The following CCDC159 variants were observed in gnomAD, a reference collection of about 807,000 sequenced individuals.
The protein encoded by CCDC159 is coiled-coil domain-containing protein 159.
A neutral mutation model predicts 50.9 loss-of-function variants in CCDC159; 40 were observed. The ratio of observed to expected loss-of-function variants is 0.79; its 90% CI spans 0.61 to 1.02. The LOEUF (loss-of-function observed/expected upper bound fraction) is 1.02. Ranked by LOEUF, CCDC159 falls within the 50% of genes least tolerant of loss-of-function variation. The pLI, the probability that CCDC159 is intolerant of heterozygous loss-of-function variation, is 0.00. For missense variants in CCDC159, 356 were observed against 371.5 expected (o/e 0.96, Z 0.34); for synonymous variants, 146 against 138.9 (o/e 1.05, Z -0.36).
At chr19:11,348,076 A>C in intron 1 of CCDC159, 1 of 452,382 alleles carries the variant, frequency 2.2e-6, no homozygotes, top group Non-Finnish European at 4.4e-6. Flanking sequence ...ACCTCGATTC[A>C]GCCATCATGA....
At chr19:11,349,512 T>C (rs1599381180) in intron 1 of CCDC159, 142 bp from the exon 2 acceptor site, 2 of 1,014,332 alleles carry the variant, frequency 2.0e-6, no homozygotes, top group East Asian at 5.2e-5. Context: ...ATGCCTGGAG[T>C]GCAGCTTTGC....
At chr19:11,351,444 CT>C in intron 5 of CCDC159, 1 of 170,586 alleles carries the variant, frequency 5.9e-6, no homozygotes, top group Non-Finnish European at 1.2e-5. Flanking sequence ...CAGAGCGAGA[CT>C]CTGTCTAAAA....
chr19:11,352,016 C>T (rs1967614328), intron 6 of CCDC159, 41 bp from the exon 7 acceptor site: 1 of 1,612,994 alleles, frequency 6.2e-7, no homozygotes, highest in Non-Finnish European at 8.5e-7. Context: ...GGAGGGGGTC[C>T]TTCTTCAGCC....
chr19:11,351,062 G>A, intron 5 of CCDC159, 59 bp downstream of exon 5: 1 of 1,437,522 alleles, frequency 7.0e-7, no homozygotes, highest in Non-Finnish European at 9.3e-7. Flanking sequence ...ACCCAGAACT[G>A]GGGAATGGAG....
intron 7 of CCDC159, chr19:11,353,235 G>A (rs748122029): frequency 3.8e-5 from 13 of 338,404 alleles, no homozygotes; most frequent in Non-Finnish European, 6.5e-5. Flanking sequence ...CGAGTAGCTG[G>A]GACAACAGGC....
At chr19:11,348,004 C>T in intron 1 of CCDC159, 2 of 409,114 alleles carry the variant, frequency 4.9e-6, no homozygotes, top group Middle Eastern at 7.9e-4. Context: ...GTCGAAACTC[C>T]TGGCTTGGCC....
At chr19:11,352,013 G>T (rs1192976085) in intron 6 of CCDC159, 40 bp downstream of exon 6, 4 of 1,612,882 alleles carry the variant, frequency 2.5e-6, no homozygotes, top group Middle Eastern at 1.7e-4. Flanking sequence ...TGGGGAGGGG[G>T]TCCTTCTTCA....
chr19:11,350,987 C>A lies in CCDC159; in HGVS notation c.406C>A (p.Gln136Lys). The change falls in exon 5 of 11, where the codon CAG becomes AAG. Residue 136 changes from glutamine to lysine, a missense_variant. Gln to Lys is a moderately conservative substitution (Grantham distance 53). Transcript: ENST00000458408. The stretch of plus-strand genomic sequence containing the variant: ...CACTCGCTGCCTGCAGCTGCTGGCC[C>A]AGGAGATCCGGGACAGGTCGGGGAT... Reference protein sequence around the residue: ...RTTRCLQLLAQEIRDSKKFLW... With the variant: ...RTTRCLQLLAKEIRDSKKFLW... The A allele has an allele frequency of 6.4e-7, 1 of 1,551,500 alleles. No homozygotes were observed. The highest frequency in any genetic ancestry group is 2.4e-5 in the East Asian group (1 of 41,048).
intron 1 of CCDC159, chr19:11,349,424 G>A (rs1325895716): frequency 3.4e-6 from 2 of 591,832 alleles, no homozygotes; most frequent in Non-Finnish European, 5.9e-6. Flanking sequence ...GTCTTCCATG[G>A]GGATTTGGCT....
At chr19:11,353,207 T>C (rs1967677212) in intron 7 of CCDC159, among the ~76,000 whole-genome samples, 1 of 151,974 alleles carries the variant, frequency 6.6e-6, no homozygotes, top group Admixed American at 6.6e-5. Context: ...TTCAAGCAAT[T>C]CTCCTGCCTC....
chr19:11,352,431 C>A, intron 7 of CCDC159: 1 of 380,930 alleles, frequency 2.6e-6, no homozygotes, highest in Admixed American at 4.1e-5. Flanking sequence ...CATGATGAAA[C>A]CCCGTCTATA....
At position 11,354,893 on chromosome 19, in the gene CCDC159, C is replaced by T; in HGVS notation, c.*16C>T. On this transcript the variant is annotated 3_prime_UTR_variant, in exon 11 of 11. Coordinates refer to ENST00000458408, the MANE Select transcript of CCDC159 (RefSeq NM_001080503.3). ...CACAGCTTGAGCAGCCGGGACTGCTCTCCCTGAAGACCCCTCCAGAGAGAA... is the reference window on the plus strand; with the variant it reads ...CACAGCTTGAGCAGCCGGGACTGCTTTCCCTGAAGACCCCTCCAGAGAGAA... 1 of 1,613,532 alleles carries T rather than the reference C, an allele frequency of 6.2e-7. No homozygotes were observed. The highest frequency in any genetic ancestry group is 8.5e-7 in the Non-Finnish European group (1 of 1,179,734).
chr19:11,353,921 C>T, intron 9 of CCDC159, 47 bp downstream of exon 9: 1 of 1,453,928 alleles, frequency 6.9e-7, no homozygotes, highest in Non-Finnish European at 9.3e-7. Flanking sequence ...CATTGTCTAG[C>T]TTCACAGGGA....
In CCDC159 at chr19:11,346,635, G is replaced by A; in HGVS notation, c.21+8G>A. The stretch of plus-strand genomic sequence containing the variant: ...GGAGAGCATGAACAGGTGGTATGTG[G>A]TAGGTGGGGTTCTGGAGCCTGGCGG... On this transcript the variant is annotated splice_region_variant and intron_variant, in intron 1 of 10. Coordinates refer to ENST00000458408, the MANE Select transcript of CCDC159 (RefSeq NM_001080503.3). 1 of 1,551,522 alleles carries A rather than the reference G, an allele frequency of 6.4e-7. No individual in the cohort carries two copies. The highest frequency in any genetic ancestry group is 8.7e-7 in the Non-Finnish European group (1 of 1,146,920).
intron 8 of CCDC159, 98 bp from the exon 9 acceptor site, chr19:11,353,694 A>G: frequency 6.5e-7 from 1 of 1,548,072 alleles, no homozygotes; most frequent in South Asian, 1.2e-5. Flanking sequence ...ACCCCCTAGG[A>G]CTCACCCCAC....
Position 11,353,562 on chromosome 19 carries a change from A to G in CCDC159, c.679A>G (p.Ser227Gly). Residue 227 changes from serine to glycine, a missense_variant, in exon 8 of 11, where the codon AGT (serine) becomes GGT (glycine). Ser to Gly is a moderately conservative substitution (Grantham distance 56). Transcript: ENST00000458408. ...CWKDDLQKELSDIWSAVHVLQ... is the reference protein window; with the variant it reads ...CWKDDLQKELGDIWSAVHVLQ... The stretch of plus-strand genomic sequence containing the variant: ...GAAGGATGACCTCCAGAAGGAACTG[A>G]GTGATATATGGTGATGCCCAGCCTG... 1 of 1,613,630 alleles carries G rather than the reference A, an allele frequency of 6.2e-7. No homozygotes were observed. Among genetic ancestry groups the G allele is most frequent in the East Asian group, 2.2e-5 (1 of 44,856 alleles).
At chr19:11,348,729 C>T (rs149978954) in intron 1 of CCDC159, 1 of 483,602 alleles carries the variant, frequency 2.1e-6, no homozygotes. Context: ...CTCAAAGCAG[C>T]CCCTGCTTCC....
At chr19:11,350,080 T>A in intron 3 of CCDC159, 38 bp from the exon 4 acceptor site, 1 of 1,609,178 alleles carries the variant, frequency 6.2e-7, no homozygotes, top group Non-Finnish European at 8.5e-7. Flanking sequence ...TGCCCTCCCC[T>A]CCTTCCTCCC....
chr19:11,353,127 T>C (rs1967672498), intron 7 of CCDC159, among the ~76,000 whole-genome samples: 1 of 151,772 alleles, frequency 6.6e-6, no homozygotes, highest in Non-Finnish European at 1.5e-5. Flanking sequence ...TGAGACGGAG[T>C]TTCCCTCTTG....
Sources: gnomAD v4.1 joint callset for allele counts (sites outside exome capture counted in the v4.1 genomes callset) on GRCh38, gnomAD v4.1.1 for gene constraint, MANE v1.5 for transcripts, NCBI Gene and HGNC (gene_info 2026-07-23, HGNC 2026-07-21) for gene names.